DMTN: variants seen among roughly 807,000 people sequenced by gnomAD.
DMTN encodes dematin.
In DMTN, 27 loss-of-function variants were observed where a neutral mutation model predicts 59.4. The observed-to-expected ratio is 0.45, with a 90% CI of 0.33 to 0.63. DMTN has a LOEUF of 0.63. Ranked by LOEUF, DMTN falls within the 20% of genes least tolerant of loss-of-function variation. DMTN has a pLI of 0.02. For synonymous variants in DMTN, 221 were observed against 203.7 expected (o/e 1.08, Z -0.72); for missense variants, 451 against 528.9 (o/e 0.85, Z 1.45).
In DMTN at chr8:22,081,098, TC is replaced by T. The variant is rs748495729; in HGVS notation, c.1024-9del. On this transcript the variant is annotated splice_polypyrimidine_tract_variant and intron_variant, in intron 14 of 15. Transcript: ENST00000358242. ...TATTCTGTGAGCCTAAGATTGCCCC[TC>T]CCCCCACCCCCAGATCTATCCCTAT... 5.2e-5 allele frequency: 33 copies of T among 636,288 alleles called. No individual in the cohort carries two copies. The highest frequency in any genetic ancestry group is 8.9e-5 in the Non-Finnish European group (32 of 361,116). 39.4% of individuals were successfully genotyped at this position (636,288 alleles called of 1,614,324 possible). A position where few individuals can be genotyped will look rare whatever the true frequency, so the allele number is the denominator to read the frequency against.
At position 22,067,166 on chromosome 8, in the gene DMTN, A is replaced by AC; in HGVS notation, c.93+11dup. ...CTCTCCCTCCAGCATCGTGGTGAGT[A>AC]CCCCTCTCGGCCACCAGCAACCCCT... On this transcript the variant is annotated splice_region_variant and intron_variant, in intron 3 of 15. Transcript: ENST00000358242. 6.2e-7 allele frequency: 1 copy of AC among 1,608,562 alleles called. No homozygotes were observed. Among genetic ancestry groups the AC allele is most frequent in the African/African-American group, 1.3e-5 (1 of 74,444 alleles).
At chr8:22,068,910 G>A in intron 4 of DMTN, 106 bp from the exon 5 acceptor site, 1 of 1,332,428 alleles carries the variant, frequency 7.5e-7, no homozygotes, top group East Asian at 2.3e-5. Context: ...AAGCTGGCCA[G>A]GAAAGTGTGC....
intron 1 of DMTN, among the ~76,000 whole-genome samples, chr8:22,061,502 C>A (rs1426196872): frequency 6.6e-6 from 1 of 152,112 alleles, no homozygotes; most frequent in East Asian, 1.9e-4. Flanking sequence ...ACATGGCTTA[C>A]CCTGGGCCAC....
upstream of DMTN, among the ~76,000 whole-genome samples, chr8:22,056,662 C>T (rs1563384098): frequency 6.6e-6 from 1 of 151,766 alleles, no homozygotes; most frequent in Non-Finnish European, 1.5e-5. Flanking sequence ...GGTTAATGCT[C>T]CTCTTGTTTG....
intron 1 of DMTN, among the ~76,000 whole-genome samples, chr8:22,066,239 C>A (rs369905348): frequency 6.6e-6 from 1 of 152,342 alleles, no homozygotes; most frequent in African/African-American, 2.4e-5. Context: ...GGTAGGCACT[C>A]ACAAAGTTTC....
chr8:22,051,632 T>C (rs1360835458), upstream of DMTN, among the ~76,000 whole-genome samples: 1 of 152,084 alleles, frequency 6.6e-6, no homozygotes, highest in African/African-American at 2.4e-5. Flanking sequence ...TCCCTCCCGC[T>C]CTGCTCTCTG....
upstream of DMTN, among the ~76,000 whole-genome samples, chr8:22,056,070 C>T (rs1276737715): frequency 1.3e-5 from 2 of 152,212 alleles, no homozygotes; most frequent in Non-Finnish European, 2.9e-5. Context: ...CAATGAGAGG[C>T]TCCTGGGGTG....
chr8:22,050,432 A>T (rs1000736098), upstream of DMTN, among the ~76,000 whole-genome samples: 1 of 151,764 alleles, frequency 6.6e-6, no homozygotes, highest in Non-Finnish European at 1.5e-5. Flanking sequence ...TCTCCGGCCC[A>T]CCCCTGCCCC....
Position 22,058,770 on chromosome 8 carries a change from G to A in DMTN, c.-172+1634G>A, listed in dbSNP as rs1016805060. Among the ~76,000 whole-genome samples, 1 of 152,242 alleles carries A rather than the reference G, an allele frequency of 6.6e-6. No individual in the cohort carries two copies. Among genetic ancestry groups the A allele is most frequent in the Non-Finnish European group, 1.5e-5 (1 of 68,038 alleles). ...CGGTAAAAAACATTGGAGTAGGGGA[G>A]AGGGAGAAAGTGGGAGAAGAGGAGG... On this transcript the variant is annotated intron_variant, in intron 1 of 15. Transcript: ENST00000358242. This position sits in a 1 kb window ranked among gnomAD's most constrained non-coding sequence, Gnocchi z 4.3.
At chr8:22,062,095 T>A (rs187211366) in intron 1 of DMTN, among the ~76,000 whole-genome samples, 1 of 152,158 alleles carries the variant, frequency 6.6e-6, no homozygotes, top group Admixed American at 6.5e-5. Flanking sequence ...AAGCCCTGTA[T>A]GGTTGTTACC....
chr8:22,070,977 T>G (rs1355264487), intron 8 of DMTN, among the ~76,000 whole-genome samples: 3 of 152,248 alleles, frequency 2.0e-5, no homozygotes, highest in Admixed American at 2.0e-4. Context: ...CCATTCATGT[T>G]GCTGCACCCA....
chr8:22,067,446 T>C (rs1811680099), intron 3 of DMTN, 81 bp from the exon 4 acceptor site: 2 of 1,559,496 alleles, frequency 1.3e-6, no homozygotes, highest in Non-Finnish European at 1.7e-6. Flanking sequence ...TTCTTGGTAA[T>C]TGACGTAAGT....
chr8:22,068,984 G>A, intron 4 of DMTN, 32 bp from the exon 5 acceptor site: 1 of 1,611,224 alleles, frequency 6.2e-7, no homozygotes, highest in Non-Finnish European at 8.5e-7. Context: ...ATCTGCCCCT[G>A]TAGCTCTGAC....
At chr8:22,049,560 G>T (rs1585551131), upstream of DMTN, among the ~76,000 whole-genome samples, 2 of 115,478 alleles carry the variant, frequency 1.7e-5, no homozygotes, top group South Asian at 6.1e-4. Context: ...GGTCTTCCTC[G>T]CAGGGACAAC....
At chr8:22,053,720 T>C (rs12541126), upstream of DMTN, 33,569 of 152,170 alleles carry the variant, frequency 0.22, 5,066 homozygotes, top group African/African-American at 0.43. Context: ...GATACAGGAA[T>C]CCTGGCCCCG....
At chr8:22,056,380 C>T (rs1802571031), upstream of DMTN, among the ~76,000 whole-genome samples, 1 of 152,146 alleles carries the variant, frequency 6.6e-6, no homozygotes, top group African/African-American at 2.4e-5. Flanking sequence ...AGGCTGGGCC[C>T]CAGAGGCCTC....
At chr8:22,064,748 G>A (rs776883701) in intron 1 of DMTN, among the ~76,000 whole-genome samples, 15 of 152,140 alleles carry the variant, frequency 9.9e-5, no homozygotes, top group South Asian at 8.3e-4. Context: ...GTGAGCCACC[G>A]CGCCCGGCCT....
upstream of DMTN, among the ~76,000 whole-genome samples, chr8:22,049,900 C>A (rs917761901): frequency 1.3e-5 from 2 of 152,228 alleles, no homozygotes; most frequent in Admixed American, 1.3e-4. Flanking sequence ...GGGGAAGGGC[C>A]CTCGTCCAGT....
intron 10 of DMTN, among the ~76,000 whole-genome samples, chr8:22,074,733 T>C (rs904578422): frequency 4.6e-5 from 7 of 152,124 alleles, no homozygotes; most frequent in African/African-American, 1.7e-4. Flanking sequence ...CAGGGTACAC[T>C]GTGGGGCAGT....
Sources: allele counts gnomAD v4.1 joint callset (sites outside exome capture counted in the v4.1 genomes callset), GRCh38; gene constraint gnomAD v4.1.1; non-coding constraint Gnocchi (gnomAD v3.1); transcripts MANE v1.5; gene names NCBI Gene and HGNC (gene_info 2026-07-23, HGNC 2026-07-21).